SUGCT: variants seen among roughly 807,000 people sequenced by gnomAD.
SUGCT encodes the protein succinyl-CoA:glutarate CoA-transferase.
Under a neutral mutation model 55.0 loss-of-function variants are expected in SUGCT, and 41 were observed. The ratio of observed to expected loss-of-function variants is 0.74; its 90% CI spans 0.58 to 0.97. The LOEUF (loss-of-function observed/expected upper bound fraction) is 0.97, where lower values mean the gene tolerates loss of function less well. SUGCT is among the 50% of genes least tolerant of loss of function. The pLI, the probability that SUGCT is intolerant of heterozygous loss-of-function variation, is 0.00. For missense variants in SUGCT, 568 were observed against 547.8 expected, an observed-to-expected ratio of 1.04 and a Z score of -0.37; for synonymous variants, 187 against 200.4, an observed-to-expected ratio of 0.93 and a Z score of 0.56.
intron 13 of SUGCT, among the ~76,000 whole-genome samples, chr7:40,810,717 C>G (rs1791364647): frequency 6.6e-6 from 1 of 152,130 alleles, no homozygotes; most frequent in African/African-American, 2.4e-5. Flanking sequence ...CATAGGTCAT[C>G]TGTTTATTCT....
chr7:40,732,815 T>C (rs1445504786), intron 12 of SUGCT, among the ~76,000 whole-genome samples: 1 of 152,084 alleles, frequency 6.6e-6, no homozygotes, highest in African/African-American at 2.4e-5. Flanking sequence ...TGATTGAAAT[T>C]GTGAGCCAAC....
At chr7:40,807,396 G>A (rs1463593261) in intron 13 of SUGCT, among the ~76,000 whole-genome samples, 1 of 152,112 alleles carries the variant, frequency 6.6e-6, no homozygotes, top group Non-Finnish European at 1.5e-5. Context: ...ACTAAGACAA[G>A]TGAGAAGGGG....
At chr7:40,603,375 A>G (rs1798380920) in intron 12 of SUGCT, among the ~76,000 whole-genome samples, 1 of 152,206 alleles carries the variant, frequency 6.6e-6, no homozygotes, top group Non-Finnish European at 1.5e-5. Flanking sequence ...GATTTCCTCT[A>G]CTTGATTTGA....
intron 9 of SUGCT, among the ~76,000 whole-genome samples, chr7:40,383,798 G>A (rs779586692): frequency 2.0e-5 from 3 of 152,168 alleles, no homozygotes; most frequent in Non-Finnish European, 4.4e-5. Context: ...CAAGAAGTTC[G>A]TCAGGGCATC....
intron 6 of SUGCT, among the ~76,000 whole-genome samples, chr7:40,214,197 T>A (rs1787496654): frequency 6.6e-6 from 1 of 152,172 alleles, no homozygotes; most frequent in African/African-American, 2.4e-5. Flanking sequence ...TTTAAAATTT[T>A]CTTATAACCG....
At chr7:40,847,325 A>G (rs1287665155) in intron 13 of SUGCT, among the ~76,000 whole-genome samples, 1 of 152,110 alleles carries the variant, frequency 6.6e-6, no homozygotes, top group Non-Finnish European at 1.5e-5. Context: ...ACACACTGCC[A>G]AAGAGACAGG....
At chr7:40,475,957 C>G (rs1790646233) in intron 11 of SUGCT, among the ~76,000 whole-genome samples, 1 of 152,046 alleles carries the variant, frequency 6.6e-6, no homozygotes, top group South Asian at 2.1e-4. Flanking sequence ...CTTTATTGCT[C>G]ACCTCCTCTT....
chr7:40,242,113 A>G (rs560470018), intron 7 of SUGCT, among the ~76,000 whole-genome samples: 13 of 151,788 alleles, frequency 8.6e-5, no homozygotes, highest in Non-Finnish European at 1.9e-4. Context: ...CATTTTACAT[A>G]TGTATTTTGA....
chr7:40,199,599 C>A (rs568660092), intron 6 of SUGCT, among the ~76,000 whole-genome samples: 1 of 152,110 alleles, frequency 6.6e-6, no homozygotes, highest in Non-Finnish European at 1.5e-5. Context: ...TTCTTTCCCT[C>A]GTATCTTCTG....
Position 40,570,870 on chromosome 7 carries a change from T to A in SUGCT, c.1089+74484T>A, listed in dbSNP as rs1025580663. Among the ~76,000 whole-genome samples the A allele has an allele frequency of 3.6e-3, 506 of 141,354 alleles. 1 individual carries two copies. Among genetic ancestry groups the A allele is most frequent in the Non-Finnish European group, 6.4e-3 (416 of 65,470 alleles). 92.7% of individuals were successfully genotyped at this position (141,354 alleles called of 152,430 possible). A position where few individuals can be genotyped will look rare whatever the true frequency, so the allele number is the denominator to read the frequency against. On this transcript the variant is annotated intron_variant, in intron 12 of 13. Coordinates refer to ENST00000335693, the MANE Select transcript of SUGCT (RefSeq NM_001193313.2). ...AGGCTCTTTTTTTTTTTTTTTTTTT[T>A]TTTTTTTCAGTTGGAGCTTTGCTCT...
chr7:40,947,487 C>A, the SUGCT span, among the ~76,000 whole-genome samples: 1 of 147,730 alleles, frequency 6.8e-6, no homozygotes, highest in Admixed American at 6.8e-5. Flanking sequence ...TGCATGTGGG[C>A]CATACTTTCT....
intron 12 of SUGCT, among the ~76,000 whole-genome samples, chr7:40,585,906 CCT>C (rs1797351508): frequency 6.6e-6 from 1 of 152,114 alleles, no homozygotes; most frequent in Non-Finnish European, 1.5e-5. Context: ...GTCTTGAACT[CCT>C]GGGCTCAAGC....
At chr7:40,484,302 C>T (rs1458615322) in intron 11 of SUGCT, among the ~76,000 whole-genome samples, 1 of 152,102 alleles carries the variant, frequency 6.6e-6, no homozygotes, top group Admixed American at 6.5e-5. Context: ...TTTGTCTTTT[C>T]TCACAGCATT....
chr7:40,274,608 C>T lies in SUGCT; in HGVS notation c.672C>T (p.Tyr224=), dbSNP rs889618177. 1 of 1,613,454 alleles carries T rather than the reference C, an allele frequency of 6.2e-7. No individual in the cohort carries two copies. The highest frequency in any genetic ancestry group is 8.5e-7 in the Non-Finnish European group (1 of 1,179,704). Residue 224 remains tyrosine (Y), a synonymous_variant, in exon 8 of 14, where the codon TAC becomes TAT. Transcript: ENST00000335693. ...TTATGGCTGGATTGATACAAAAATA[C>T]AAAACTGGGAAAGGACTGTTCATTG... ...GAIMAGLIQK[Y]KTGKGLFIDC...
chr7:40,571,111 A>G (rs1215809032), intron 12 of SUGCT, among the ~76,000 whole-genome samples: 1 of 151,968 alleles, frequency 6.6e-6, no homozygotes, highest in African/African-American at 2.4e-5. Flanking sequence ...AAAATACCAC[A>G]TAAAGGCCGT....
the SUGCT span, among the ~76,000 whole-genome samples, chr7:40,890,315 G>A: frequency 4.3e-3 from 519 of 120,320 alleles, 8 homozygotes; most frequent in Middle Eastern, 0.018. Context: ...AAATATTTAT[G>A]TTATATAATA....
intron 7 of SUGCT, among the ~76,000 whole-genome samples, chr7:40,272,191 TATAC>T (rs1792105514): frequency 1.1e-4 from 8 of 71,930 alleles, no homozygotes; most frequent in African/African-American, 4.3e-4. Flanking sequence ...TATATATATA[TATAC>T]AGGGTCTCAG....
intron 12 of SUGCT, among the ~76,000 whole-genome samples, chr7:40,712,004 C>T (rs776733462): frequency 3.3e-5 from 5 of 152,166 alleles, no homozygotes; most frequent in Non-Finnish European, 7.3e-5. Flanking sequence ...AAGTGAGGTC[C>T]GCATCAAAGA....
At chr7:40,872,998 C>T in the SUGCT span, among the ~76,000 whole-genome samples, 20 of 152,128 alleles carry the variant, frequency 1.3e-4, no homozygotes, top group Non-Finnish European at 2.5e-4. Flanking sequence ...GCAGCCTCAG[C>T]GGAACCCGGC....
Sources: gnomAD v4.1 joint callset for allele counts (sites outside exome capture counted in the v4.1 genomes callset) on GRCh38, gnomAD v4.1.1 for gene constraint, MANE v1.5 for transcripts, NCBI Gene and HGNC (gene_info 2026-07-23, HGNC 2026-07-21) for gene names.